The following GREB1 variants were observed in gnomAD, a reference collection of about 807,000 sequenced individuals.
GREB1 encodes protein GREB1.
Under a neutral mutation model 200.7 loss-of-function variants are expected in GREB1, and 106 were observed. The observed-to-expected ratio is 0.53, with a 90% CI of 0.45 to 0.62. The LOEUF is 0.62. Ranked by LOEUF, GREB1 falls within the 20% of genes least tolerant of loss-of-function variation. The pLI, the probability that GREB1 is intolerant of heterozygous loss-of-function variation, is 0.00. For synonymous variants in GREB1, 1,132 were observed against 1,092.4 expected, an observed-to-expected ratio of 1.04 and a Z score of -0.72; for missense variants, 2,243 against 2,556.8, an observed-to-expected ratio of 0.88 and a Z score of 2.65.
intron 15 of GREB1, 98 bp from the exon 16 acceptor site, chr2:11,600,701 TA>T: frequency 1.1e-6 from 1 of 930,564 alleles, no homozygotes. Flanking sequence ...TAGTCGTTGG[TA>T]AAGTCAGGGG....
At chr2:11,607,376 A>C (rs1182389723) in intron 17 of GREB1, among the ~76,000 whole-genome samples, 1 of 150,842 alleles carries the variant, frequency 6.6e-6, no homozygotes, top group Non-Finnish European at 1.5e-5. Context: ...CAAGTTTATT[A>C]ATCTTATTTT....
chr2:11,497,808 C>T (rs11677553), intron 1 of GREB1, among the ~76,000 whole-genome samples: 1 of 151,974 alleles, frequency 6.6e-6, no homozygotes, highest in South Asian at 2.1e-4. Flanking sequence ...CGCCCATTTT[C>T]TAATTCACTT....
At chr2:11,496,337 C>A (rs914913500) in intron 1 of GREB1, among the ~76,000 whole-genome samples, 1 of 152,164 alleles carries the variant, frequency 6.6e-6, no homozygotes, top group Admixed American at 6.5e-5. Context: ...AGGATGTGAA[C>A]CCTCTCGGTT....
At chr2:11,581,976 A>T (rs10165819) in intron 7 of GREB1, among the ~76,000 whole-genome samples, 90,867 of 152,008 alleles carry the variant, frequency 0.6, 29,342 homozygotes, top group African/African-American at 0.86. Flanking sequence ...AGCAGCCAAG[A>T]CCCAGGCAGT....
chr2:11,571,786 C>A (rs1205616096), intron 4 of GREB1, among the ~76,000 whole-genome samples: 1 of 152,066 alleles, frequency 6.6e-6, no homozygotes, highest in Non-Finnish European at 1.5e-5. Flanking sequence ...TGTCGGCTCA[C>A]TGCAAGCTCC....
At chr2:11,494,514 TG>T (rs1424457108) in intron 1 of GREB1, among the ~76,000 whole-genome samples, 1 of 152,204 alleles carries the variant, frequency 6.6e-6, no homozygotes, top group African/African-American at 2.4e-5. Context: ...AAGAGACTGA[TG>T]GAGGGGAACT....
chr2:11,637,108 C>A (rs1685443252), intron 30 of GREB1, among the ~76,000 whole-genome samples: 1 of 105,284 alleles, frequency 9.5e-6, no homozygotes, highest in African/African-American at 3.0e-5. Flanking sequence ...GGACAGGATG[C>A]CTTCAGTGGG....
At chr2:11,613,119 G>C (rs114903487) in intron 19 of GREB1, among the ~76,000 whole-genome samples, 2,943 of 152,294 alleles carry the variant, frequency 0.019, 88 homozygotes, top group African/African-American at 0.068. Flanking sequence ...AGAGTGGACT[G>C]TCTCAAAAGA....
chr2:11,575,268 T>C (rs1431367578), intron 4 of GREB1, among the ~76,000 whole-genome samples: 1 of 152,200 alleles, frequency 6.6e-6, no homozygotes, highest in Non-Finnish European at 1.5e-5. Context: ...AAACCAGACA[T>C]ACCAGTGGGT....
chr2:11,544,565 G>C lies in GREB1; in HGVS notation c.-162+10311G>C, dbSNP rs555708576. ...TTCACCTGTGGGCAAACTTTTGGCT[G>C]TTCTATTCTAAGGAGGGAAGAGGAG... On this transcript the variant is annotated intron_variant, in intron 1 of 32. Transcript: ENST00000381486. 1.1e-4 allele frequency among the ~76,000 whole-genome samples: 16 copies of C among 152,218 alleles called. No homozygotes were observed. The East Asian group carries it at 2.9e-3, about 28-fold the overall frequency.
chr2:11,594,357 T>C (rs998937137), intron 11 of GREB1, among the ~76,000 whole-genome samples: 2 of 108,956 alleles, frequency 1.8e-5, no homozygotes, highest in Non-Finnish European at 3.9e-5. Flanking sequence ...TTTAGCATTT[T>C]TTTTCTTTTT....
At chr2:11,499,011 A>G (rs1672959223) in intron 1 of GREB1, among the ~76,000 whole-genome samples, 2 of 152,226 alleles carry the variant, frequency 1.3e-5, no homozygotes, top group South Asian at 2.1e-4. Context: ...TTACACAAAC[A>G]TGTTCCTGGT....
At chr2:11,578,257 A>G (rs1226271589) in intron 5 of GREB1, 40 bp from the exon 6 acceptor site, 1 of 1,590,118 alleles carries the variant, frequency 6.3e-7, no homozygotes, top group East Asian at 2.3e-5. Flanking sequence ...TTGTTGGAGA[A>G]GAGCGAGTTG....
At position 11,556,722 on chromosome 2, in the gene GREB1, C is replaced by G. The variant is rs1296856968; in HGVS notation, c.108C>G (p.Ile36Met). The G allele has an allele frequency of 3.1e-6, 5 of 1,614,054 alleles. No homozygotes were observed. Among genetic ancestry groups the G allele is most frequent in the Admixed American group, 1.7e-5 (1 of 59,998 alleles). ...LRSNNLVPRP[I>M]FSQLYLEAEQ... ...CCAACAACCTGGTGCCCAGGCCCAT[C>G]TTTTCCCAGCTGTACCTGGAAGCTG... Residue 36 changes from isoleucine to methionine, a missense_variant, in exon 2 of 33, where the codon ATC (isoleucine) becomes ATG (methionine). Ile to Met is a conservative substitution (Grantham distance 10). Transcript: ENST00000381486.
In GREB1 at chr2:11,596,044, T is replaced by C. The variant is rs1357309755; in HGVS notation, c.1826-67T>C. 22 of 1,503,886 alleles carry C rather than the reference T, an allele frequency of 1.5e-5. No homozygotes were observed. In the Admixed American group the frequency reaches 3.8e-4, roughly 26 times the overall value. 93.2% of individuals were successfully genotyped at this position (1,503,886 alleles called of 1,614,324 possible). On this transcript the variant is annotated intron_variant, in intron 12 of 32. Transcript: ENST00000381486. Reference sequence around the variant, plus strand: ...CCTCGGGACAGTACCTGACACTAACTGCGCTGTAGATGTTTGCTGAATTTC... The same window carrying C: ...CCTCGGGACAGTACCTGACACTAACCGCGCTGTAGATGTTTGCTGAATTTC...
chr2:11,591,401 C>T lies in GREB1; in HGVS notation c.1346-1375C>T, dbSNP rs375397931. 32 of 733,534 alleles carry T rather than the reference C, an allele frequency of 4.4e-5. No individual in the cohort carries two copies. The African/African-American group carries it at 5.0e-4, about 11-fold the overall frequency. 45.4% of individuals were successfully genotyped at this position (733,534 alleles called of 1,614,324 possible). ...CCTGACGCACTTTCTTCCAGCACAT[C>T]AAATACGAAATCCGGACGTATAAAC... On this transcript the variant is annotated intron_variant, in intron 10 of 32. Coordinates refer to ENST00000381486, the MANE Select transcript of GREB1 (RefSeq NM_014668.4).
chr2:11,537,797 A>G (rs1408386380), intron 1 of GREB1, among the ~76,000 whole-genome samples: 3 of 149,170 alleles, frequency 2.0e-5, no homozygotes, highest in South Asian at 4.2e-4. Flanking sequence ...TAAAATACAT[A>G]CATGTATTTT....
At chr2:11,624,505 C>T (rs573422511) in intron 23 of GREB1, among the ~76,000 whole-genome samples, 61 of 152,050 alleles carry the variant, frequency 4.0e-4, no homozygotes, top group South Asian at 1.5e-3. Context: ...CCACCATGCC[C>T]GGCTGATTTT....
At position 11,633,871 on chromosome 2, in the gene GREB1, G is replaced by C. The variant is rs999533859; in HGVS notation, c.4992-260G>C. Reference sequence around the variant, plus strand: ...AATCATGTTGGGTTCTAGTTTCCTTGTCTGCGATTAATACCTATGCCATGG... The same window carrying C: ...AATCATGTTGGGTTCTAGTTTCCTTCTCTGCGATTAATACCTATGCCATGG... On this transcript the variant is annotated intron_variant, in intron 28 of 32. Transcript: ENST00000381486. This position sits in a 1 kb window ranked among gnomAD's most constrained non-coding sequence, Gnocchi z 4.1. Among the ~76,000 whole-genome samples, 3 of 151,922 alleles carry C rather than the reference G, an allele frequency of 2.0e-5. No homozygotes were observed. Among genetic ancestry groups the C allele is most frequent in the African/African-American group, 7.3e-5 (3 of 41,312 alleles).
Sources: gnomAD v4.1 joint callset for allele counts (sites outside exome capture counted in the v4.1 genomes callset) on GRCh38, gnomAD v4.1.1 for gene constraint, Gnocchi (gnomAD v3.1) non-coding constraint, MANE v1.5 for transcripts, NCBI Gene and HGNC (gene_info 2026-07-23, HGNC 2026-07-21) for gene names.